NOTCH3: variants seen among roughly 807,000 people sequenced by gnomAD.
The protein encoded by NOTCH3 is neurogenic locus notch homolog protein 3.
A neutral mutation model predicts 213.3 loss-of-function variants in NOTCH3; 86 were observed. The observed-to-expected ratio is 0.40, with a 90% confidence interval of 0.34 to 0.48. The LOEUF is 0.48. Among genes scored for constraint, NOTCH3 ranks in the 20% least tolerant of loss-of-function variants. The pLI is 0.57. For missense variants in NOTCH3, 2,783 were observed against 3,272.6 expected (o/e 0.85, Z 3.65); for synonymous variants, 1,354 against 1,355.9 (o/e 1.00, Z 0.03).
rs2046873053 is a variant in NOTCH3, at chr19:15,185,398, C to T, written c.2155G>A (p.Val719Met). Reference sequence around the variant, plus strand: ...GGGCCACTCCAGCCAGGCTCACACACACAGCGGAACCTGGCAGGGGAAGGT... The same window carrying T: ...GGGCCACTCCAGCCAGGCTCACACATACAGCGGAACCTGGCAGGGGAAGGT... ...CYDAPGGFRC[V>M]CEPGWSGPRC... The change falls in exon 14 of 33, where the codon GTG (valine) becomes ATG (methionine). Residue 719 changes from valine (V) to methionine (M), a missense_variant. By Grantham distance (21) the Val-to-Met change is conservative (BLOSUM62 1). Around this residue, in one of 6 missense-constraint regions of NOTCH3, gnomAD observed 861 missense variants for 909.1 expected, o/e 0.95. Transcript: ENST00000263388. This position sits in a 1 kb window ranked among gnomAD's most constrained non-coding sequence, Gnocchi z 4.2. 2 of 1,612,146 alleles carry T rather than the reference C, an allele frequency of 1.2e-6. No homozygotes were observed. The highest frequency in any genetic ancestry group is 1.7e-6 in the Non-Finnish European group (2 of 1,179,480).
At chr19:15,174,527 G>A in intron 24 of NOTCH3, 127 bp from the exon 25 acceptor site, 1 of 665,062 alleles carries the variant, frequency 1.5e-6, no homozygotes, top group Non-Finnish European at 2.4e-6. Context: ...TGGAATATAC[G>A]GACCCATGCC....
At chr19:15,194,994 T>TCTCAGAC (rs2046958427) in intron 2 of NOTCH3, among the ~76,000 whole-genome samples, 1 of 144,788 alleles carries the variant, frequency 6.9e-6, no homozygotes, top group African/African-American at 2.6e-5. Context: ...AAAAAAGAAG[T>TCTCAGAC]CTCAGACCCC....
chr19:15,185,458 C>T lies in NOTCH3; in HGVS notation c.2144+29G>A, dbSNP rs770970861. ...AGGGAGGTGGGCCAGGGAGAGGGGG[C>T]AGTGTCTGAGGCTGAGAAGGGCCCT... is the stretch of plus-strand genomic sequence containing the variant. On this transcript the variant is annotated intron_variant, in intron 13 of 32. Transcript: ENST00000263388. The surrounding 1 kb of genome is among the most constrained non-coding windows in gnomAD (Gnocchi z 4.2). The T allele has an allele frequency of 1.2e-6, 2 of 1,612,106 alleles. No homozygotes were observed. The highest frequency in any genetic ancestry group is 1.7e-6 in the Non-Finnish European group (2 of 1,179,006).
In NOTCH3 at chr19:15,185,909, C is replaced by T. The variant is rs975707830; in HGVS notation, c.1952-230G>A. 5.9e-5 allele frequency among the ~76,000 whole-genome samples: 9 copies of T among 151,974 alleles called. No homozygotes were observed. Among genetic ancestry groups the T allele is most frequent in the Non-Finnish European group, 4.4e-5 (3 of 67,976 alleles). ...GAAGTCCCTTTCTTTTTCTTTTCTT[C>T]TTCTTCTTATTTTTTGAGATGGGGT... On this transcript the variant is annotated intron_variant, in intron 12 of 32. Transcript: ENST00000263388. The surrounding 1 kb of genome is among the most constrained non-coding windows in gnomAD (Gnocchi z 4.2).
At chr19:15,197,441 G>GCCCCCCCCCCCCCCCCCCCC in intron 2 of NOTCH3, 59 bp downstream of exon 2, 5 of 768,354 alleles carry the variant, frequency 6.5e-6, no homozygotes, top group Non-Finnish European at 9.1e-6. Flanking sequence ...AAGACAAATC[G>GCCCCCCCCCCCCCCCCCCCC]CCCCTCCCCC....
At chr19:15,190,405 A>G (rs977360758) in intron 6 of NOTCH3, among the ~76,000 whole-genome samples, 3 of 152,134 alleles carry the variant, frequency 2.0e-5, no homozygotes, top group African/African-American at 7.2e-5. Context: ...CCCTCTTTCT[A>G]TATCCACGTT....
chr19:15,174,085 C>T lies in NOTCH3; in HGVS notation c.4719G>A (p.Leu1573=). Residue 1573 remains leucine (L), a synonymous_variant, in exon 25 of 33, where the codon CTG becomes CTA. Transcript: ENST00000263388. ...PGSEPRARRE[L]APEVIGSVVM... is the part of the protein sequence containing the mutation. Reference sequence around the variant, plus strand: ...TCACTCACCCGATCACCTCGGGGGCCAGCTCCCGACGGGCCCGGGGTTCGG... The same window carrying T: ...TCACTCACCCGATCACCTCGGGGGCTAGCTCCCGACGGGCCCGGGGTTCGG... 6.3e-7 allele frequency: 1 copy of T among 1,584,494 alleles called. No individual in the cohort carries two copies. Among genetic ancestry groups the T allele is most frequent in the Non-Finnish European group, 8.6e-7 (1 of 1,161,398 alleles).
intron 24 of NOTCH3, among the ~76,000 whole-genome samples, chr19:15,175,502 C>T (rs1228153879): frequency 1.5e-5 from 2 of 135,736 alleles, no homozygotes; most frequent in Non-Finnish European, 1.5e-5. Flanking sequence ...CCACTGCACT[C>T]CAGCCTGGGC....
intron 8 of NOTCH3, among the ~76,000 whole-genome samples, chr19:15,188,745 C>T (rs981033189): frequency 3.3e-5 from 5 of 152,130 alleles, no homozygotes; most frequent in African/African-American, 1.2e-4. Flanking sequence ...AACCCCTTCC[C>T]GAGTGGGTCC....
chr19:15,187,161 C>T lies in NOTCH3; in HGVS notation c.1784G>A (p.Gly595Asp), dbSNP rs1433631796. Residue 595 changes from glycine to aspartate, a missense_variant, in exon 11 of 33, where the codon GGC becomes GAC. Gly to Asp is a moderately conservative substitution (Grantham distance 94). Transcript: ENST00000263388. ...CTTGTCCACCAGGTCTAGGCATTTG[C>T]CGCCATGGCGGCAGGGCTGGCTGCG... is the stretch of plus-strand genomic sequence containing the variant. ...ECRSQPCRHG[G>D]KCLDLVDKYL... is the part of the protein sequence containing the mutation. 1 of 1,614,160 alleles carries T rather than the reference C, an allele frequency of 6.2e-7. No homozygotes were observed. Among genetic ancestry groups the T allele is most frequent in the Admixed American group, 1.7e-5 (1 of 60,024 alleles).
intron 25 of NOTCH3, among the ~76,000 whole-genome samples, chr19:15,173,104 CTTTTT>C (rs1162467192): frequency 2.6e-4 from 5 of 19,252 alleles, no homozygotes; most frequent in African/African-American, 1.6e-3. Context: ...TCTTCTTCTT[CTTTTT>C]TTTTTTTTTT....
chr19:15,165,381 A>C lies in NOTCH3; in HGVS notation c.5802T>G (p.Ala1934=). Residue 1934 remains alanine, a synonymous_variant, in exon 31 of 33, where the codon GCT becomes GCG. Coordinates refer to ENST00000263388, the MANE Select transcript of NOTCH3 (RefSeq NM_000435.3). The surrounding 1 kb of genome is among the most constrained non-coding windows in gnomAD (Gnocchi z 4.7). ...ELIASHADVN[A]VDELGKSALH... ...CTGCCAACCTACCAAGCTCATCCAC[A>C]GCATTGACATCAGCATGGCTGGCGA... 6.2e-7 allele frequency: 1 copy of C among 1,607,432 alleles called. No homozygotes were observed. Among genetic ancestry groups the C allele is most frequent in the Non-Finnish European group, 8.5e-7 (1 of 1,179,998 alleles).
chr19:15,165,312 C>T lies in NOTCH3; in HGVS notation c.5815+56G>A. 1 of 1,572,668 alleles carries T rather than the reference C, an allele frequency of 6.4e-7. No individual in the cohort carries two copies. Among genetic ancestry groups the T allele is most frequent in the South Asian group, 1.1e-5 (1 of 90,454 alleles). On this transcript the variant is annotated intron_variant, in intron 31 of 32. Coordinates refer to ENST00000263388, the MANE Select transcript of NOTCH3 (RefSeq NM_000435.3). This position sits in a 1 kb window ranked among gnomAD's most constrained non-coding sequence, Gnocchi z 4.7. ...GGGTATGAATTTGCACCAACATGAC[C>T]CTCAGGGCCCAGGTGACACCAACCC...
chr19:15,160,905 C>A lies in NOTCH3; in HGVS notation c.6723G>T (p.Glu2241Asp), dbSNP rs766766920. The A allele has an allele frequency of 5.0e-6, 8 of 1,610,550 alleles. No homozygotes were observed. In the Admixed American group the frequency reaches 8.4e-5, roughly 17 times the overall value. Residue 2241 changes from glutamate (E) to aspartate (D), a missense_variant, in exon 33 of 33, where the codon GAG (glutamate) becomes GAT (aspartate). Glu to Asp is a conservative substitution (Grantham distance 45). Transcript: ENST00000263388. ...PKARFLRVPS[E>D]HPYLTPSPES... ...CGGGGGATGGGGTCAGGTAAGGGTGCTCACTGGGAACCCGCAGGAAGCGGG... is the reference window on the plus strand; with the variant it reads ...CGGGGGATGGGGTCAGGTAAGGGTGATCACTGGGAACCCGCAGGAAGCGGG...
intron 25 of NOTCH3, among the ~76,000 whole-genome samples, chr19:15,173,802 AAG>A (rs1369078192): frequency 1.7e-4 from 25 of 145,284 alleles, no homozygotes; most frequent in African/African-American, 5.4e-4. Flanking sequence ...GAAGAAGAAG[AAG>A]AAAAAAACCC....
At chr19:15,193,614 TA>T (rs1199068626) in intron 2 of NOTCH3, among the ~76,000 whole-genome samples, 1 of 150,810 alleles carries the variant, frequency 6.6e-6, no homozygotes, top group African/African-American at 2.4e-5. Flanking sequence ...AAAAAAAAAT[TA>T]AAAATTATAA....
chr19:15,184,922 G>A lies in NOTCH3; in HGVS notation c.2394C>T (p.Cys798=), dbSNP rs1426280102. ...GTGGCATACCTTGCCAGCCCTGGGG[G>A]CAGGAGCAGACAGGCAGCTGGCCAG... ...SAPGQLPVCS[C]PQGWQGPRCQ... The change falls in exon 15 of 33, where the codon TGC becomes TGT. Residue 798 remains cysteine (C), a synonymous_variant. Coordinates refer to ENST00000263388, the MANE Select transcript of NOTCH3 (RefSeq NM_000435.3). 10 of 1,548,060 alleles carry A rather than the reference G, an allele frequency of 6.5e-6. No individual in the cohort carries two copies. The highest frequency in any genetic ancestry group is 2.0e-5 in the Admixed American group (1 of 50,900).
In NOTCH3 at chr19:15,177,963, G is replaced by A. The variant is rs897840477; in HGVS notation, c.3965C>T (p.Pro1322Leu). ...RCACPPGLSG[P>L]SCRSFPGSPP... ...CGACCCCGGGAAGCTGCGGCAGGAG[G>A]GTCCCGACAACCCTGGGGGGCAGGC... Residue 1322 changes from proline (P) to leucine (L), a missense_variant, in exon 24 of 33, where the codon CCC (proline) becomes CTC (leucine). By Grantham distance (98) the Pro-to-Leu change is moderately conservative. Coordinates refer to ENST00000263388, the MANE Select transcript of NOTCH3 (RefSeq NM_000435.3). The A allele has an allele frequency of 3.0e-6, 4 of 1,345,174 alleles. No homozygotes were observed. The Admixed American group carries it at 1.1e-4, about 37-fold the overall frequency. 83.3% of individuals were successfully genotyped at this position (1,345,174 alleles called of 1,614,324 possible). A position where few individuals can be genotyped will look rare whatever the true frequency, so the allele number is the denominator to read the frequency against.
intron 1 of NOTCH3, among the ~76,000 whole-genome samples, chr19:15,200,240 G>C (rs2047001628): frequency 6.6e-6 from 1 of 151,626 alleles, no homozygotes. Context: ...GCGCGCCGCC[G>C]AGGCTCCGGC....
Sources: gnomAD v4.1 joint callset for allele counts (sites outside exome capture counted in the v4.1 genomes callset) on GRCh38, gnomAD v4.1.1 for gene constraint, gnomAD v4.1.1 regional missense constraint, Gnocchi (gnomAD v3.1) non-coding constraint, MANE v1.5 for transcripts, NCBI Gene and HGNC (gene_info 2026-07-23, HGNC 2026-07-21) for gene names.